ATF2: variants seen among roughly 807,000 people sequenced by gnomAD.
The protein encoded by ATF2 is activating transcription factor 2.
ATF2 carries 24 observed loss-of-function variants against 60.6 expected under a neutral mutation model. That is an observed-to-expected ratio of 0.40 (90% CI 0.29 to 0.56). The LOEUF is 0.56. Ranked by LOEUF, ATF2 falls within the 20% of genes least tolerant of loss-of-function variation. ATF2 has a pLI of 0.54. For missense variants in ATF2, 433 were observed against 607.7 expected, an observed-to-expected ratio of 0.71 and a Z score of 3.02; for synonymous variants, 206 against 215.4, an observed-to-expected ratio of 0.96 and a Z score of 0.38.
At chr2:175,093,763 A>G (rs1381881225) in intron 11 of ATF2, among the ~76,000 whole-genome samples, 1 of 152,140 alleles carries the variant, frequency 6.6e-6, no homozygotes, top group African/African-American at 2.4e-5. Context: ...TTGTTTCTCT[A>G]AAGTTATGGA....
intron 12 of ATF2, among the ~76,000 whole-genome samples, chr2:175,080,992 T>G (rs1402047291): frequency 6.6e-6 from 1 of 152,192 alleles, no homozygotes; most frequent in African/African-American, 2.4e-5. Context: ...CACAGCTGGA[T>G]AGCATATTTC....
At chr2:175,086,435 G>A (rs1464623595) in intron 12 of ATF2, among the ~76,000 whole-genome samples, 1 of 152,146 alleles carries the variant, frequency 6.6e-6, no homozygotes, top group Non-Finnish European at 1.5e-5. Flanking sequence ...TACAGCCCTA[G>A]TAAGTATAAG....
At chr2:175,160,376 G>A (rs950051107) in intron 1 of ATF2, among the ~76,000 whole-genome samples, 2 of 152,104 alleles carry the variant, frequency 1.3e-5, no homozygotes, top group Non-Finnish European at 2.9e-5. Flanking sequence ...TAGAGACCCT[G>A]TCTCTAAAAA....
At chr2:175,106,060 G>A (rs957450138) in intron 10 of ATF2, among the ~76,000 whole-genome samples, 3 of 151,906 alleles carry the variant, frequency 2.0e-5, no homozygotes, top group African/African-American at 7.3e-5. Context: ...ACCCAAAAAA[G>A]ATAAGCAAAT....
intron 10 of ATF2, among the ~76,000 whole-genome samples, chr2:175,110,884 G>C (rs1239709911): frequency 6.6e-6 from 1 of 152,134 alleles, no homozygotes; most frequent in African/African-American, 2.4e-5. Context: ...TGGGATTACA[G>C]GTGTGAGCCA....
intron 5 of ATF2, among the ~76,000 whole-genome samples, chr2:175,119,334 T>G (rs780832717): frequency 2.6e-5 from 4 of 151,602 alleles, no homozygotes; most frequent in Non-Finnish European, 4.4e-5. Flanking sequence ...CTAAGTGAAG[T>G]AAAAGTACTC....
intron 1 of ATF2, among the ~76,000 whole-genome samples, chr2:175,165,714 G>A (rs966672410): frequency 6.6e-6 from 1 of 152,180 alleles, no homozygotes; most frequent in Admixed American, 6.5e-5. Flanking sequence ...GTGTCGCCCA[G>A]GTTGGAGTGC....
At chr2:175,166,387 A>G (rs778217686) in intron 1 of ATF2, among the ~76,000 whole-genome samples, 1 of 152,222 alleles carries the variant, frequency 6.6e-6, no homozygotes, top group Non-Finnish European at 1.5e-5. Context: ...CCTAGAAATT[A>G]TTTTACAAAG....
At chr2:175,147,397 G>A (rs886858160) in intron 2 of ATF2, among the ~76,000 whole-genome samples, 9 of 152,170 alleles carry the variant, frequency 5.9e-5, no homozygotes, top group Non-Finnish European at 1.0e-4. Flanking sequence ...CATTTCTGGT[G>A]ACTAACGTTA....
chr2:175,081,715 T>G (rs910699432), intron 12 of ATF2, among the ~76,000 whole-genome samples: 15 of 152,178 alleles, frequency 9.9e-5, no homozygotes, highest in African/African-American at 3.6e-4. Flanking sequence ...AGCTGAGGCA[T>G]GACATTTTCT....
At chr2:175,091,988 C>A (rs1403207464) in intron 12 of ATF2, among the ~76,000 whole-genome samples, 1 of 152,120 alleles carries the variant, frequency 6.6e-6, no homozygotes. Context: ...TCTTCTAAAT[C>A]ATTAAAATAA....
intron 3 of ATF2, among the ~76,000 whole-genome samples, chr2:175,135,458 A>T (rs1698071685): frequency 6.6e-6 from 1 of 152,184 alleles, no homozygotes; most frequent in Admixed American, 6.5e-5. Flanking sequence ...TCAATTTACG[A>T]TGGGTTTATT....
At chr2:175,116,496 G>A (rs752888036) in intron 7 of ATF2, among the ~76,000 whole-genome samples, 2 of 152,036 alleles carry the variant, frequency 1.3e-5, no homozygotes, top group African/African-American at 2.4e-5. Flanking sequence ...AAAAGGTAAT[G>A]TCAAGATGGA....
chr2:175,130,842 T>C (rs917054631), intron 3 of ATF2, among the ~76,000 whole-genome samples: 4 of 152,200 alleles, frequency 2.6e-5, no homozygotes, highest in African/African-American at 9.6e-5. Context: ...TCTGTATCTC[T>C]AACTCTGATC....
intron 7 of ATF2, 117 bp downstream of exon 7, chr2:175,117,873 A>G: frequency 8.5e-7 from 1 of 1,175,302 alleles, no homozygotes; most frequent in East Asian, 2.6e-5. Flanking sequence ...TTTCACATAT[A>G]AAACTATTGC....
At chr2:175,105,326 A>T (rs1695582881) in intron 10 of ATF2, among the ~76,000 whole-genome samples, 1 of 149,880 alleles carries the variant, frequency 6.7e-6, no homozygotes, top group Non-Finnish European at 1.5e-5. Context: ...CCCCCAAAAA[A>T]ATATGAAATC....
intron 2 of ATF2, among the ~76,000 whole-genome samples, chr2:175,150,318 T>C (rs1448453688): frequency 1.3e-5 from 2 of 152,160 alleles, no homozygotes; most frequent in Admixed American, 1.3e-4. Flanking sequence ...AATCTGCTTG[T>C]ATATTTTGAT....
intron 2 of ATF2, chr2:175,147,871 A>G (rs1699056190): frequency 6.6e-6 from 1 of 152,190 alleles, no homozygotes; most frequent in South Asian, 2.1e-4. Context: ...ATCTGCCAAC[A>G]TTGGAGAAAA....
chr2:175,079,177 T>C (rs751067962), intron 13 of ATF2, among the ~76,000 whole-genome samples: 1 of 152,288 alleles, frequency 6.6e-6, no homozygotes, highest in South Asian at 2.1e-4. Flanking sequence ...TGAGCATACA[T>C]TGCCTGGATA....
Sources: allele counts gnomAD v4.1 joint callset (sites outside exome capture counted in the v4.1 genomes callset), GRCh38; gene constraint gnomAD v4.1.1; transcripts MANE v1.5; gene names NCBI Gene and HGNC (gene_info 2026-07-23, HGNC 2026-07-21).